The following SNPH variants were observed in gnomAD, a reference collection of about 807,000 sequenced individuals.
SNPH encodes syntaphilin.
In SNPH, 10 loss-of-function variants were observed where a neutral mutation model predicts 36.8. The ratio of observed to expected loss-of-function variants is 0.27; its 90% CI spans 0.17 to 0.46. The LOEUF is 0.46. Among genes scored for constraint, SNPH ranks in the 20% least tolerant of loss-of-function variants. SNPH has a pLI of 1.00. For missense variants in SNPH, 622 were observed against 744.0 expected (o/e 0.84, Z 1.91); for synonymous variants, 281 against 312.2 (o/e 0.90, Z 1.05).
At chr20:1,274,462 C>A (rs561357664) in intron 2 of SNPH, among the ~76,000 whole-genome samples, 1 of 152,150 alleles carries the variant, frequency 6.6e-6, no homozygotes, top group East Asian at 1.9e-4. Context: ...AGGAGGAATT[C>A]TTGCCATAGG....
At chr20:1,301,147 G>A (rs111248465) in intron 6 of SNPH, among the ~76,000 whole-genome samples, 3,883 of 152,298 alleles carry the variant, frequency 0.025, 75 homozygotes, top group Middle Eastern at 0.068. Context: ...AGTCACCAGA[G>A]GGCTTGTGGC....
chr20:1,289,285 G>A (rs376665127), intron 2 of SNPH, among the ~76,000 whole-genome samples: 44 of 152,142 alleles, frequency 2.9e-4, no homozygotes, highest in African/African-American at 1.0e-3. Context: ...AGGATTCAAC[G>A]AAGTTGTGAA....
chr20:1,279,618 C>CTT (rs1162325274), intron 2 of SNPH, among the ~76,000 whole-genome samples: 10 of 123,074 alleles, frequency 8.1e-5, no homozygotes, highest in South Asian at 2.8e-4. Context: ...ACTCCGGCTT[C>CTT]TTTTTTTTTT....
chr20:1,295,720 C>T (rs1369614698), intron 3 of SNPH, 56 bp from the exon 4 acceptor site: 1 of 153,936 alleles, frequency 6.5e-6, no homozygotes, highest in Non-Finnish European at 1.4e-5. Flanking sequence ...TGGTGTGTAT[C>T]CGTATGTCTT....
At chr20:1,295,525 A>G (rs147936607) in intron 3 of SNPH, among the ~76,000 whole-genome samples, 6 of 152,320 alleles carry the variant, frequency 3.9e-5, no homozygotes, top group Non-Finnish European at 7.3e-5. Context: ...CTGTGCCCCT[A>G]CATTCCTGGT....
chr20:1,288,531 A>G (rs1459698481), intron 2 of SNPH, among the ~76,000 whole-genome samples: 1 of 152,186 alleles, frequency 6.6e-6, no homozygotes, highest in Non-Finnish European at 1.5e-5. Context: ...CCTCATGGAA[A>G]GGGCTTCTCC....
Position 1,306,601 on chromosome 20 carries a change from G to A in SNPH, c.*547G>A. The A allele has an allele frequency of 6.6e-6, 1 of 152,624 alleles. No homozygotes were observed. The highest frequency in any genetic ancestry group is 1.5e-5 in the Non-Finnish European group (1 of 68,264). The allele number at this position is 152,624 out of a possible 1,614,324, so 9.5% of individuals were successfully genotyped here. On this transcript the variant is annotated 3_prime_UTR_variant, in exon 7 of 7. Transcript: ENST00000381867. ...TCAGAGCAGAGGCCAGAACCACTGG[G>A]CCGGCCGGCATTCCAGCCTCCCCAG...
intron 2 of SNPH, among the ~76,000 whole-genome samples, chr20:1,277,710 CTGTG>C (rs1304525547): frequency 9.0e-6 from 1 of 111,354 alleles, no homozygotes; most frequent in Non-Finnish European, 1.8e-5. Flanking sequence ...CTGTCTGTGC[CTGTG>C]TGTCTGTGTG....
At chr20:1,283,119 C>G (rs1157712426) in intron 2 of SNPH, among the ~76,000 whole-genome samples, 1 of 152,186 alleles carries the variant, frequency 6.6e-6, no homozygotes, top group African/African-American at 2.4e-5. Flanking sequence ...TCTGCTTTAC[C>G]TCCCTGGCCC....
intron 2 of SNPH, among the ~76,000 whole-genome samples, chr20:1,277,472 T>C (rs1177372941): frequency 3.5e-5 from 5 of 144,382 alleles, no homozygotes; most frequent in Non-Finnish European, 4.7e-5. Context: ...CCTGTGTGTG[T>C]GTCTGTCTGT....
chr20:1,296,622 G>A (rs1415855513), intron 4 of SNPH, among the ~76,000 whole-genome samples: 1 of 152,188 alleles, frequency 6.6e-6, no homozygotes, highest in Non-Finnish European at 1.5e-5. Context: ...GAGAGTTCTC[G>A]GAAGGTGTAA....
rs2088433554 is a variant in SNPH at position 1,296,324 on chromosome 20, G to A, written c.85G>A (p.Ala29Thr). ...CCCCCCAACCCGCCCTCTCTCCTCA[G>A]CCCCCGGGATACCGCCCATCCCACC... ...AGPPTRPLSS[A>T]PGIPPIPPLT... The change falls in exon 4 of 7, where the codon GCC becomes ACC. Residue 29 changes from alanine to threonine, a missense_variant. Transcript: ENST00000381867. The A allele has an allele frequency of 3.8e-6, 6 of 1,592,776 alleles. No individual in the cohort carries two copies. Among genetic ancestry groups the A allele is most frequent in the Non-Finnish European group, 5.1e-6 (6 of 1,171,310 alleles).
intron 2 of SNPH, among the ~76,000 whole-genome samples, chr20:1,272,075 G>T (rs538253712): frequency 1.3e-5 from 2 of 152,268 alleles, no homozygotes; most frequent in Admixed American, 1.3e-4. Context: ...AAGTAAGAAG[G>T]CCATGTTATC....
At position 1,300,555 on chromosome 20, in the gene SNPH, C is replaced by T. The variant is rs757836375; in HGVS notation, c.291-7C>T. On this transcript the variant is annotated splice_polypyrimidine_tract_variant and splice_region_variant and intron_variant, in intron 5 of 6. Transcript: ENST00000381867. ...CTCCCTCCCTGATGATGGGCGTCCCCTTGCAGGCGCTCCATGAAATACACG... is the reference window on the plus strand; with the variant it reads ...CTCCCTCCCTGATGATGGGCGTCCCTTTGCAGGCGCTCCATGAAATACACG... The T allele has an allele frequency of 2.5e-6, 4 of 1,613,916 alleles. No individual in the cohort carries two copies. The highest frequency in any genetic ancestry group is 3.4e-6 in the Non-Finnish European group (4 of 1,179,960).
chr20:1,279,615 C>CTTTTTTTTTTTTTT lies in SNPH; in HGVS notation c.-493+12857_-493+12858insTTTTTTTTTTTTTT, dbSNP rs1259483361. Reference sequence around the variant, plus strand: ...AGACTGGTTTCCTGAGAGACTCCGGCTTCTTTTTTTTTTTTTTTTTTTGAG... The same window carrying CTTTTTTTTTTTTTT: ...AGACTGGTTTCCTGAGAGACTCCGGCTTTTTTTTTTTTTTTTCTTTTTTTTTTTTTTTTTTTGAG... On this transcript the variant is annotated intron_variant, in intron 2 of 6. Transcript: ENST00000381867. Among the ~76,000 whole-genome samples the CTTTTTTTTTTTTTT allele has an allele frequency of 3.1e-4, 35 of 111,662 alleles. 1 individual carries two copies. Among genetic ancestry groups the CTTTTTTTTTTTTTT allele is most frequent in the African/African-American group, 1.0e-3 (34 of 32,912 alleles). 73.3% of individuals were successfully genotyped at this position (111,662 alleles called of 152,430 possible).
At chr20:1,293,767 C>G (rs1357079889) in intron 2 of SNPH, among the ~76,000 whole-genome samples, 1 of 152,174 alleles carries the variant, frequency 6.6e-6, no homozygotes, top group East Asian at 1.9e-4. Context: ...ACAAGTGCCA[C>G]CCCCTTCCCT....
In SNPH at chr20:1,296,247, G is replaced by A. The variant is rs1229256629; in HGVS notation, c.8G>A (p.Gly3Asp). 4 of 1,524,150 alleles carry A rather than the reference G, an allele frequency of 2.6e-6. No individual in the cohort carries two copies. In the African/African-American group the frequency reaches 5.7e-5, roughly 22 times the overall value. The allele number at this position is 1,524,150 out of a possible 1,614,324, so 94.4% of individuals were successfully genotyped here. Residue 3 changes from glycine (G) to aspartate (D), a missense_variant, in exon 4 of 7, where the codon GGC becomes GAC. This residue lies in a region of SNPH where 187 missense variants were observed against 209.4 expected (regional missense o/e 0.89). Coordinates refer to ENST00000381867, the MANE Select transcript of SNPH (RefSeq NM_001318234.2). Reference sequence around the variant, plus strand: ...AGGGTGAGAAGAGAAGCCATGCCGGGCAGCGGCCCCAGCGAGAGGATGACG... The same window carrying A: ...AGGGTGAGAAGAGAAGCCATGCCGGACAGCGGCCCCAGCGAGAGGATGACG... Reference protein sequence around the residue: MPGSGPSERMTWP... With the variant: MPDSGPSERMTWP...
At position 1,266,694 on chromosome 20, in the gene SNPH, A is replaced by G; in HGVS notation, c.-559A>G. 6.8e-7 allele frequency: 1 copy of G among 1,459,952 alleles called. No individual in the cohort carries two copies. Among genetic ancestry groups the G allele is most frequent in the Non-Finnish European group, 9.0e-7 (1 of 1,109,538 alleles). The allele number at this position is 1,459,952 out of a possible 1,614,324, so 90.4% of individuals were successfully genotyped here. A position where few individuals can be genotyped will look rare whatever the true frequency, so the allele number is the denominator to read the frequency against. On this transcript the variant is annotated 5_prime_UTR_variant, in exon 2 of 7. Transcript: ENST00000381867. This position sits in a 1 kb window ranked among gnomAD's most constrained non-coding sequence, Gnocchi z 6.0. ...CAGGCGGCTGCAGCAGCGACTGCAG[A>G]GGCGCTGCGCCAAGCCGGGCCGGAG...
At chr20:1,273,011 A>G (rs557125803) in intron 2 of SNPH, among the ~76,000 whole-genome samples, 159 of 152,378 alleles carry the variant, frequency 1.0e-3, no homozygotes, top group African/African-American at 3.2e-3. Flanking sequence ...AGCCTGGCAC[A>G]GAAGCCACCT....
Sources: gnomAD v4.1 joint callset for allele counts (sites outside exome capture counted in the v4.1 genomes callset) on GRCh38, gnomAD v4.1.1 for gene constraint, gnomAD v4.1.1 regional missense constraint, Gnocchi (gnomAD v3.1) non-coding constraint, MANE v1.5 for transcripts, NCBI Gene and HGNC (gene_info 2026-07-23, HGNC 2026-07-21) for gene names.